CCDC85A: variants seen among roughly 807,000 people sequenced by gnomAD.
CCDC85A encodes the protein coiled-coil domain containing 85A.
In CCDC85A, 38 loss-of-function variants were observed where a neutral mutation model predicts 50.2. The ratio of observed to expected loss-of-function variants is 0.76; its 90% CI spans 0.58 to 0.99. The LOEUF (loss-of-function observed/expected upper bound fraction) is 0.99. Among genes scored for constraint, CCDC85A ranks in the 50% least tolerant of loss-of-function variants. CCDC85A has a pLI of 0.00. For missense variants in CCDC85A, 820 were observed against 742.0 expected (o/e 1.11, Z -1.22); for synonymous variants, 366 against 301.4 (o/e 1.21, Z -2.22).
chr2:56,265,244 A>T (rs928435278), intron 2 of CCDC85A, among the ~76,000 whole-genome samples: 2 of 152,202 alleles, frequency 1.3e-5, no homozygotes, highest in African/African-American at 4.8e-5. Context: ...CCTTTGCCAG[A>T]TGTGTCAAAG....
At chr2:56,283,819 A>G (rs1238081061) in intron 2 of CCDC85A, among the ~76,000 whole-genome samples, 1 of 152,088 alleles carries the variant, frequency 6.6e-6, no homozygotes, top group Non-Finnish European at 1.5e-5. Context: ...GATCTTTCCA[A>G]TGAACAAACT....
intron 2 of CCDC85A, among the ~76,000 whole-genome samples, chr2:56,228,276 A>C (rs894623761): frequency 9.9e-5 from 15 of 152,122 alleles, no homozygotes; most frequent in African/African-American, 2.6e-4. Context: ...ACATGTATAC[A>C]TATGTAACAA....
At chr2:56,308,269 A>G (rs1318732159) in intron 2 of CCDC85A, among the ~76,000 whole-genome samples, 12 of 152,192 alleles carry the variant, frequency 7.9e-5, no homozygotes, top group Non-Finnish European at 1.5e-5. Flanking sequence ...CTCTATAGAG[A>G]CAACTCCTCC....
Position 56,295,245 on chromosome 2 carries a change from T to C in CCDC85A, c.1241-47634T>C, listed in dbSNP as rs375915637. Among the ~76,000 whole-genome samples, 238 of 152,334 alleles carry C rather than the reference T, an allele frequency of 1.6e-3. 8 individuals carry two copies. In the South Asian group the frequency reaches 0.047, roughly 30 times the overall value. On this transcript the variant is annotated intron_variant, in intron 2 of 5. Coordinates refer to ENST00000407595, the MANE Select transcript of CCDC85A (RefSeq NM_001080433.2). ...GAGGTCAATTCAACCAGTGTATTTA[T>C]TGGACCTTCAAGTATTTACTTTTTG...
chr2:56,239,616 A>G (rs749275799), intron 2 of CCDC85A, among the ~76,000 whole-genome samples: 20 of 152,156 alleles, frequency 1.3e-4, no homozygotes, highest in Admixed American at 2.6e-4. Context: ...GATTCATTGA[A>G]CAGTGTTTCT....
At chr2:56,284,054 T>C (rs1304022869) in intron 2 of CCDC85A, among the ~76,000 whole-genome samples, 1 of 152,166 alleles carries the variant, frequency 6.6e-6, no homozygotes, top group African/African-American at 2.4e-5. Context: ...CTCATAAATT[T>C]TGATATACTG....
chr2:56,257,882 T>A (rs1670054798), intron 2 of CCDC85A, among the ~76,000 whole-genome samples: 1 of 152,132 alleles, frequency 6.6e-6, no homozygotes, highest in African/African-American at 2.4e-5. Flanking sequence ...TATTAGCAAC[T>A]GATGGAGGGG....
chr2:56,223,364 A>G (rs1668409437), intron 2 of CCDC85A, among the ~76,000 whole-genome samples: 1 of 152,038 alleles, frequency 6.6e-6, no homozygotes. Context: ...TAGATAGTAC[A>G]TAAATGAATG....
At chr2:56,229,471 T>G (rs1668686661) in intron 2 of CCDC85A, among the ~76,000 whole-genome samples, 1 of 152,286 alleles carries the variant, frequency 6.6e-6, no homozygotes, top group South Asian at 2.1e-4. Context: ...TTGCCCACCA[T>G]TTTAGACCTT....
At chr2:56,343,428 G>A (rs1449449593) in intron 3 of CCDC85A, among the ~76,000 whole-genome samples, 1 of 152,206 alleles carries the variant, frequency 6.6e-6, no homozygotes, top group East Asian at 1.9e-4. Flanking sequence ...CTCTTTCAGT[G>A]CAACAAAGTG....
At chr2:56,315,281 C>T (rs1271567547) in intron 2 of CCDC85A, among the ~76,000 whole-genome samples, 3 of 152,098 alleles carry the variant, frequency 2.0e-5, no homozygotes, top group Non-Finnish European at 4.4e-5. Flanking sequence ...GTTTTGCCAG[C>T]CTGCATTTTG....
rs1218036018 is a variant in CCDC85A at position 56,334,529 on chromosome 2, A to G, written c.1241-8350A>G. Among the ~76,000 whole-genome samples the G allele has an allele frequency of 3.3e-5, 5 of 152,304 alleles. No homozygotes were observed. In the East Asian group the frequency reaches 7.7e-4, roughly 24 times the overall value. On this transcript the variant is annotated intron_variant, in intron 2 of 5. Transcript: ENST00000407595. ...GATGAGTTGAGGAAAAGGAAAATTG[A>G]AAGAGACTTGCAGAATGGGAAAATT... is the stretch of plus-strand genomic sequence containing the variant.
chr2:56,311,824 C>T (rs767797073), intron 2 of CCDC85A, among the ~76,000 whole-genome samples: 1 of 152,100 alleles, frequency 6.6e-6, no homozygotes, highest in Non-Finnish European at 1.5e-5. Flanking sequence ...TTCAGGGTTT[C>T]ATAGCGCTCT....
At chr2:56,262,942 G>C (rs930709227) in intron 2 of CCDC85A, among the ~76,000 whole-genome samples, 16 of 152,026 alleles carry the variant, frequency 1.1e-4, no homozygotes, top group Admixed American at 5.2e-4. Context: ...CAATTCCATT[G>C]CTTCAAAAAT....
At position 56,222,371 on chromosome 2, in the gene CCDC85A, C is replaced by A. The variant is rs143607826; in HGVS notation, c.1240+28931C>A. Among the ~76,000 whole-genome samples, 534 of 152,054 alleles carry A rather than the reference C, an allele frequency of 3.5e-3. 6 individuals carry two copies. The highest frequency in any genetic ancestry group is 0.012 in the African/African-American group (510 of 41,484). On this transcript the variant is annotated intron_variant, in intron 2 of 5. Transcript: ENST00000407595. The stretch of plus-strand genomic sequence containing the variant: ...TTTTGATATACATTAAAAATGACTT[C>A]CAACTTTTAAAATTAATGGAGTAAC...
At chr2:56,283,319 T>G (rs1671288971) in intron 2 of CCDC85A, among the ~76,000 whole-genome samples, 1 of 152,190 alleles carries the variant, frequency 6.6e-6, no homozygotes, top group Admixed American at 6.5e-5. Context: ...GAGTTTTTCT[T>G]AAAATCATGA....
intron 2 of CCDC85A, among the ~76,000 whole-genome samples, chr2:56,323,756 C>T (rs1401810531): frequency 3.4e-4 from 51 of 152,072 alleles, no homozygotes. Context: ...ATGTGTACCC[C>T]TTCCAAGCAA....
rs1024847089 is a variant in CCDC85A, at chr2:56,310,981, A to G, written c.1241-31898A>G. ...CTTGCAATGCTGGTGACTTTTGGGG[A>G]GAAAATATATAACGGGACTTTTGAT... is the stretch of plus-strand genomic sequence containing the variant. On this transcript the variant is annotated intron_variant, in intron 2 of 5. Transcript: ENST00000407595. Among the ~76,000 whole-genome samples, 4 of 152,302 alleles carry G rather than the reference A, an allele frequency of 2.6e-5. No homozygotes were observed. In the South Asian group the frequency reaches 8.3e-4, roughly 32 times the overall value.
At chr2:56,358,441 C>G (rs746030143) in intron 3 of CCDC85A, among the ~76,000 whole-genome samples, 1 of 152,202 alleles carries the variant, frequency 6.6e-6, no homozygotes, top group Admixed American at 6.5e-5. Context: ...GCCTCCTTCT[C>G]CAGAAATGTC....
Sources: allele counts gnomAD v4.1 joint callset (sites outside exome capture counted in the v4.1 genomes callset), GRCh38; gene constraint gnomAD v4.1.1; transcripts MANE v1.5; gene names NCBI Gene and HGNC (gene_info 2026-07-23, HGNC 2026-07-21).